The following ITSN1 variants were observed in gnomAD, a reference collection of about 807,000 sequenced individuals.
ITSN1 encodes intersectin 1, also known as intersectin-1.
In ITSN1, 58 loss-of-function variants were observed where a neutral mutation model predicts 239.8. The ratio of observed to expected loss-of-function variants is 0.24; its 90% confidence interval spans 0.20 to 0.30. The LOEUF (loss-of-function observed/expected upper bound fraction) is 0.30. Ranked by LOEUF, ITSN1 falls within the 10% of genes least tolerant of loss-of-function variation. The pLI is 1.00. For missense variants in ITSN1, 1,558 were observed against 2,103.3 expected (o/e 0.74, Z 5.07); for synonymous variants, 780 against 770.8 (o/e 1.01, Z -0.20).
chr21:33,664,251 T>C (rs1463221782), intron 1 of ITSN1, among the ~76,000 whole-genome samples: 2 of 152,236 alleles, frequency 1.3e-5, no homozygotes, highest in African/African-American at 4.8e-5. Context: ...GACTCCTGAA[T>C]GTGATGTGGA....
intron 4 of ITSN1, 85 bp downstream of exon 4, chr21:33,722,736 T>G: frequency 7.7e-7 from 1 of 1,303,316 alleles, no homozygotes. Flanking sequence ...TATGATTTCT[T>G]ATGTTATAAA....
rs570806139 is a variant in ITSN1 at position 33,790,267 on chromosome 21, T to C, written c.1825-4074T>C. ...ATTGTGATTTTTTAAAAAAAACTTATTTTAATATTTAATATTAATATTTAA... is the reference window on the plus strand; with the variant it reads ...ATTGTGATTTTTTAAAAAAAACTTACTTTAATATTTAATATTAATATTTAA... On this transcript the variant is annotated intron_variant, in intron 16 of 39. Coordinates refer to ENST00000381318, the MANE Select transcript of ITSN1 (RefSeq NM_003024.3). 2.0e-5 allele frequency among the ~76,000 whole-genome samples: 3 copies of C among 151,888 alleles called. No individual in the cohort carries two copies. In the South Asian group the frequency reaches 6.2e-4, roughly 31 times the overall value.
At chr21:33,804,228 G>GT (rs2072233631) in intron 20 of ITSN1, among the ~76,000 whole-genome samples, 1 of 152,098 alleles carries the variant, frequency 6.6e-6, no homozygotes, top group Non-Finnish European at 1.5e-5. Flanking sequence ...TTGTGACAGT[G>GT]TTTTTTAATG....
rs775020541 is a variant in ITSN1, at chr21:33,774,985, A to C, written c.1473A>C (p.Gln491His). 1 of 1,612,766 alleles carries C rather than the reference A, an allele frequency of 6.2e-7. No homozygotes were observed. The highest frequency in any genetic ancestry group is 1.7e-4 in the Middle Eastern group (1 of 6,056). Residue 491 changes from glutamine to histidine, a missense_variant, in exon 14 of 40, where the codon CAA becomes CAC. Physicochemically the swap from Gln to His is conservative, Grantham distance 24. Around this residue, in one of 2 missense-constraint regions of ITSN1, gnomAD observed 982 missense variants for 1,209.9 expected, o/e 0.81. Coordinates refer to ENST00000381318, the MANE Select transcript of ITSN1 (RefSeq NM_003024.3). ...TGTTCAAGAATGATAAAAAGCATCA[A>C]CTAGAAGGGAAACTTCAAGATATCA... is the stretch of plus-strand genomic sequence containing the variant. ...ELEALNDKKH[Q>H]LEGKLQDIRC...
chr21:33,701,556 G>T (rs985142217), intron 1 of ITSN1, among the ~76,000 whole-genome samples: 4 of 152,018 alleles, frequency 2.6e-5, no homozygotes, highest in Non-Finnish European at 5.9e-5. Context: ...ACTTTGAGAG[G>T]CATAGGTGGG....
intron 22 of ITSN1, among the ~76,000 whole-genome samples, chr21:33,816,237 G>A (rs368462890): frequency 5.3e-5 from 8 of 151,832 alleles, no homozygotes; most frequent in African/African-American, 1.5e-4. Flanking sequence ...ACCTGAGTCC[G>A]TAATAGATCA....
chr21:33,695,634 A>G (rs1326144257), intron 1 of ITSN1, among the ~76,000 whole-genome samples: 1 of 152,258 alleles, frequency 6.6e-6, no homozygotes, highest in East Asian at 1.9e-4. Context: ...CATTTTGAGT[A>G]TAAGTGGGCC....
At chr21:33,805,476 A>G (rs919656941) in intron 20 of ITSN1, among the ~76,000 whole-genome samples, 3 of 152,144 alleles carry the variant, frequency 2.0e-5, no homozygotes, top group Non-Finnish European at 4.4e-5. Context: ...TGCAGTTTTG[A>G]GGGACCAGTA....
chr21:33,678,912 C>T (rs1347057728), intron 1 of ITSN1, among the ~76,000 whole-genome samples: 1 of 152,144 alleles, frequency 6.6e-6, no homozygotes, highest in South Asian at 2.1e-4. Context: ...CAGGGTTTCA[C>T]GGAAGCAGAG....
chr21:33,695,553 A>G (rs888723929), intron 1 of ITSN1, among the ~76,000 whole-genome samples: 2 of 152,244 alleles, frequency 1.3e-5, no homozygotes, highest in Non-Finnish European at 2.9e-5. Flanking sequence ...TGAAACTAAA[A>G]CACAGTGAAA....
At chr21:33,791,656 A>G (rs1308611660) in intron 16 of ITSN1, among the ~76,000 whole-genome samples, 1 of 152,194 alleles carries the variant, frequency 6.6e-6, no homozygotes, top group South Asian at 2.1e-4. Context: ...ATCCATATCC[A>G]GTTACAAGAG....
intron 1 of ITSN1, among the ~76,000 whole-genome samples, chr21:33,663,793 G>A (rs913235216): frequency 2.6e-5 from 4 of 152,254 alleles, no homozygotes; most frequent in African/African-American, 4.8e-5. Flanking sequence ...TAGTAGAGAC[G>A]GGGTTTCTCC....
intron 10 of ITSN1, 50 bp from the exon 11 acceptor site, chr21:33,767,663 A>AC (rs770842320): frequency 2.1e-5 from 22 of 1,060,352 alleles, no homozygotes; most frequent in Non-Finnish European, 3.1e-5. Context: ...GTCCAACTCC[A>AC]CCCAGACAGC....
At chr21:33,854,705 T>C (rs1183898242) in intron 29 of ITSN1, among the ~76,000 whole-genome samples, 1 of 152,160 alleles carries the variant, frequency 6.6e-6, no homozygotes, top group African/African-American at 2.4e-5. Context: ...TAAAAGACAA[T>C]CTATGCCCTG....
chr21:33,774,480 G>A (rs1055924059), intron 12 of ITSN1: 1 of 315,226 alleles, frequency 3.2e-6, no homozygotes, highest in African/African-American at 2.1e-5. Context: ...ATTCTAATGG[G>A]GAAATAATCC....
chr21:33,884,612 C>T (rs1459234309), intron 36 of ITSN1, among the ~76,000 whole-genome samples: 2 of 152,184 alleles, frequency 1.3e-5, no homozygotes, highest in African/African-American at 2.4e-5. Context: ...TCCCCCAAGG[C>T]GTTTTGGTCT....
At chr21:33,803,508 T>C (rs1028024403) in intron 20 of ITSN1, among the ~76,000 whole-genome samples, 3 of 152,366 alleles carry the variant, frequency 2.0e-5, no homozygotes, top group Admixed American at 2.0e-4. Flanking sequence ...AGATCACATA[T>C]ACACATAAGA....
intron 1 of ITSN1, among the ~76,000 whole-genome samples, chr21:33,692,366 ATCTGGACCCTGCCTGTGAT>A (rs1224896804): frequency 2.0e-5 from 3 of 152,166 alleles, no homozygotes; most frequent in African/African-American, 7.2e-5. Context: ...AGCATTGATC[ATCTGGACCCTGCCTGTGAT>A]GGCTCAATTT....
chr21:33,876,317 C>T (rs1443947102), intron 34 of ITSN1, among the ~76,000 whole-genome samples: 1 of 144,470 alleles, frequency 6.9e-6, no homozygotes, highest in Non-Finnish European at 1.5e-5. Context: ...TCCTTCCTTC[C>T]TTCCTTCCTT....
Sources: gnomAD v4.1 joint callset for allele counts (sites outside exome capture counted in the v4.1 genomes callset) on GRCh38, gnomAD v4.1.1 for gene constraint, gnomAD v4.1.1 regional missense constraint, MANE v1.5 for transcripts, NCBI Gene and HGNC (gene_info 2026-07-23, HGNC 2026-07-21) for gene names.